The following USP14 variants were observed in gnomAD, a reference collection of about 807,000 sequenced individuals.
The protein encoded by USP14 is ubiquitin specific peptidase 14, also known as ubiquitin carboxyl-terminal hydrolase 14.
Under a neutral mutation model 76.5 loss-of-function variants are expected in USP14, and 38 were observed. The ratio of observed to expected loss-of-function variants is 0.50; its 90% confidence interval spans 0.38 to 0.65. The LOEUF (loss-of-function observed/expected upper bound fraction) is 0.65, where lower values mean the gene tolerates loss of function less well. Among genes scored for constraint, USP14 ranks in the 30% least tolerant of loss-of-function variants. USP14 has a pLI of 0.00. For missense variants in USP14, 467 were observed against 586.5 expected, an observed-to-expected ratio of 0.80 and a Z score of 2.10; for synonymous variants, 192 against 191.7, an observed-to-expected ratio of 1.00 and a Z score of -0.01.
intron 3 of USP14, among the ~76,000 whole-genome samples, chr18:173,201 T>TG (rs555975981): frequency 3.2e-3 from 475 of 148,452 alleles, no homozygotes; most frequent in Non-Finnish European, 4.7e-3. Context: ...CTCCACCTCC[T>TG]GGTTCACGCC....
intron 3 of USP14, among the ~76,000 whole-genome samples, chr18:178,256 A>G (rs1037453302): frequency 3.3e-5 from 5 of 152,142 alleles, no homozygotes; most frequent in African/African-American, 1.2e-4. Flanking sequence ...GACTCCAACC[A>G]TCCACTAGCC....
Position 213,093 on chromosome 18 carries a change from A to G in USP14, c.*1809A>G, listed in dbSNP as rs1432347108. 2.0e-5 allele frequency: 3 copies of G among 151,932 alleles called. No individual in the cohort carries two copies. Among genetic ancestry groups the G allele is most frequent in the Non-Finnish European group, 4.4e-5 (3 of 67,936 alleles). The allele number at this position is 151,932 out of a possible 1,614,324, so 9.4% of individuals were successfully genotyped here. Reference sequence around the variant, plus strand: ...GGGGATTAAGAATAGAATGGGCAGGATGAGACCATGAAAATTATAATGATT... The same window carrying G: ...GGGGATTAAGAATAGAATGGGCAGGGTGAGACCATGAAAATTATAATGATT... On this transcript the variant is annotated 3_prime_UTR_variant, in exon 16 of 16. Transcript: ENST00000261601.
chr18:211,455 GAA>G lies in USP14; in HGVS notation c.*172_*173del, dbSNP rs1910667947. ...GTGCACCAACCTAAAAAATTACAGA[GAA>G]GAGAAAATTATCTTTGGATTGTGCT... On this transcript the variant is annotated 3_prime_UTR_variant, in exon 16 of 16. Coordinates refer to ENST00000261601, the MANE Select transcript of USP14 (RefSeq NM_005151.4). 3.5e-6 allele frequency: 2 copies of G among 563,952 alleles called. No individual in the cohort carries two copies. The highest frequency in any genetic ancestry group is 5.8e-6 in the Non-Finnish European group (2 of 347,592). The allele number at this position is 563,952 out of a possible 1,614,324, so 34.9% of individuals were successfully genotyped here.
intron 3 of USP14, among the ~76,000 whole-genome samples, chr18:173,462 A>G (rs975055571): frequency 6.7e-6 from 1 of 149,946 alleles, no homozygotes; most frequent in African/African-American, 2.5e-5. Context: ...CCCAGGCTGG[A>G]GTGCAATGGC....
rs982550714 is a variant in USP14, at chr18:212,170, TTTG to T, written c.*889_*891del. On this transcript the variant is annotated 3_prime_UTR_variant, in exon 16 of 16. Coordinates refer to ENST00000261601, the MANE Select transcript of USP14 (RefSeq NM_005151.4). ...GCTGTTAAGCATCCATTTAAAAATATTTGTTATCTTCTTTGCCTGCCTGTATTT... is the reference window on the plus strand; with the variant it reads ...GCTGTTAAGCATCCATTTAAAAATATTTATCTTCTTTGCCTGCCTGTATTT... The T allele has an allele frequency of 1.5e-4, 16 of 103,460 alleles. No individual in the cohort carries two copies. Among genetic ancestry groups the T allele is most frequent in the African/African-American group, 4.0e-4 (13 of 32,596 alleles). The allele number at this position is 103,460 out of a possible 1,614,324, so 6.4% of individuals were successfully genotyped here.
At chr18:166,765 CT>C in intron 2 of USP14, 21 bp from the exon 3 acceptor site, 1 of 1,609,830 alleles carries the variant, frequency 6.2e-7, no homozygotes, top group Non-Finnish European at 8.5e-7. Context: ...GGTTAAATGT[CT>C]TTTGTTTGTC....
intron 3 of USP14, 108 bp from the exon 4 acceptor site, chr18:178,825 C>T: frequency 1.3e-6 from 1 of 751,868 alleles, no homozygotes; most frequent in Non-Finnish European, 2.1e-6. Context: ...CTTTTTTTGG[C>T]AAATAGAATT....
At chr18:166,945 A>C (rs1909289443) in intron 3 of USP14, 126 bp downstream of exon 3, 1 of 779,988 alleles carries the variant, frequency 1.3e-6, no homozygotes, top group East Asian at 2.6e-5. Context: ...GAAAATACTT[A>C]CCTTTTCCCA....
intron 5 of USP14, among the ~76,000 whole-genome samples, chr18:187,613 T>C (rs754498535): frequency 1.5e-4 from 23 of 152,206 alleles, no homozygotes. Flanking sequence ...GATGGATTTT[T>C]TTCACGTGTT....
chr18:191,594 C>T (rs755037526), intron 5 of USP14, among the ~76,000 whole-genome samples: 5 of 152,096 alleles, frequency 3.3e-5, no homozygotes, highest in Admixed American at 6.5e-5. Flanking sequence ...TCCTCTCCAC[C>T]CCCTTCCAGC....
chr18:199,416 T>C (rs1910326897), intron 10 of USP14, 100 bp downstream of exon 10: 3 of 798,772 alleles, frequency 3.8e-6, no homozygotes, highest in Non-Finnish European at 6.2e-6. Flanking sequence ...TTTGTAGACA[T>C]GTGCAGAGCA....
intron 1 of USP14, among the ~76,000 whole-genome samples, chr18:160,500 G>T (rs1909086677): frequency 6.6e-6 from 1 of 152,130 alleles, no homozygotes; most frequent in South Asian, 2.1e-4. Context: ...TCCAGCCTGG[G>T]TGACAGAGCA....
In USP14 at chr18:214,464, G is replaced by A. The variant is rs1910788055; in HGVS notation, c.*3180G>A. The A allele has an allele frequency of 1.6e-6, 1 of 612,450 alleles. No homozygotes were observed. Among genetic ancestry groups the A allele is most frequent in the Non-Finnish European group, 2.8e-6 (1 of 359,520 alleles). 37.9% of individuals were successfully genotyped at this position (612,450 alleles called of 1,614,324 possible). A position where few individuals can be genotyped will look rare whatever the true frequency, so the allele number is the denominator to read the frequency against. On this transcript the variant is annotated 3_prime_UTR_variant, in exon 16 of 16. Coordinates refer to ENST00000261601, the MANE Select transcript of USP14 (RefSeq NM_005151.4). ...TCTCAACCCAACCTCCCCAAACTCT[G>A]GTTTGAGCCAATATGTGTTCTATTG...
intron 5 of USP14, among the ~76,000 whole-genome samples, chr18:191,799 A>T (rs544238180): frequency 9.3e-4 from 142 of 152,114 alleles, no homozygotes; most frequent in African/African-American, 3.3e-3. Context: ...AGTTTTTTTT[A>T]AATTTTGATT....
chr18:213,980 T>TAGAC lies in USP14; in HGVS notation c.*2699_*2700insCAGA, dbSNP rs1381693102. On this transcript the variant is annotated 3_prime_UTR_variant, in exon 16 of 16. Coordinates refer to ENST00000261601, the MANE Select transcript of USP14 (RefSeq NM_005151.4). The stretch of plus-strand genomic sequence containing the variant: ...TAATGGACAAGATAGATAGATTAGA[T>TAGAC]AGATAGATAGATAGATAGATGATGA... 5.4e-5 allele frequency: 8 copies of TAGAC among 149,250 alleles called. No individual in the cohort carries two copies. The highest frequency in any genetic ancestry group is 1.3e-4 in the Admixed American group (2 of 14,938). 9.2% of individuals were successfully genotyped at this position (149,250 alleles called of 1,614,324 possible). A position where few individuals can be genotyped will look rare whatever the true frequency, so the allele number is the denominator to read the frequency against.
chr18:174,274 T>C (rs1202171659), intron 3 of USP14, among the ~76,000 whole-genome samples: 1 of 150,980 alleles, frequency 6.6e-6, no homozygotes, highest in African/African-American at 2.4e-5. Flanking sequence ...CTTTCTTTTT[T>C]TTTTTTTTTT....
chr18:204,081 G>A (rs1910459789), intron 12 of USP14, among the ~76,000 whole-genome samples: 1 of 151,756 alleles, frequency 6.6e-6, no homozygotes, highest in Non-Finnish European at 1.5e-5. Context: ...ACTTAGCGTT[G>A]TATGAGAAGG....
chr18:196,971 C>T (rs975029838), intron 7 of USP14, among the ~76,000 whole-genome samples: 4 of 152,166 alleles, frequency 2.6e-5, no homozygotes, highest in Admixed American at 6.5e-5. Context: ...CTACACAGCC[C>T]GCAATGTCCT....
Position 158,640 on chromosome 18 carries a change from CT to C in USP14, c.-56del. 1 of 1,508,280 alleles carries C rather than the reference CT, an allele frequency of 6.6e-7. No homozygotes were observed. 93.4% of individuals were successfully genotyped at this position (1,508,280 alleles called of 1,614,324 possible). ...CCGCAGCTGCTCCTGGTCCCCGTCCCTTTGCCGCCCTCGTCAGGCCCAGCTC... is the reference window on the plus strand; with the variant it reads ...CCGCAGCTGCTCCTGGTCCCCGTCCCTTGCCGCCCTCGTCAGGCCCAGCTC... On this transcript the variant is annotated 5_prime_UTR_variant, in exon 1 of 16. Coordinates refer to ENST00000261601, the MANE Select transcript of USP14 (RefSeq NM_005151.4).
Sources: gnomAD v4.1 joint callset for allele counts (sites outside exome capture counted in the v4.1 genomes callset) on GRCh38, gnomAD v4.1.1 for gene constraint, MANE v1.5 for transcripts, NCBI Gene and HGNC (gene_info 2026-07-23, HGNC 2026-07-21) for gene names.